SH2D4B: variants seen among roughly 807,000 people sequenced by gnomAD.
The protein encoded by SH2D4B is SH2 domain-containing protein 4B.
A neutral mutation model predicts 61.5 loss-of-function variants in SH2D4B; 45 were observed. That is an observed-to-expected ratio of 0.73 (90% CI 0.58 to 0.94). SH2D4B has a LOEUF of 0.94. Among genes scored for constraint, SH2D4B ranks in the 40% least tolerant of loss-of-function variants. SH2D4B has a pLI of 0.00. For missense variants in SH2D4B, 572 were observed against 574.2 expected (o/e 1.00, Z 0.04); for synonymous variants, 224 against 220.4 (o/e 1.02, Z -0.14).
At chr10:80,567,419 C>T (rs898701310) in intron 1 of SH2D4B, among the ~76,000 whole-genome samples, 1 of 152,202 alleles carries the variant, frequency 6.6e-6, no homozygotes, top group Non-Finnish European at 1.5e-5. Context: ...AATACACTCA[C>T]CACCTCTTAT....
At chr10:80,625,863 C>T (rs1489701511) in intron 6 of SH2D4B, among the ~76,000 whole-genome samples, 1 of 152,118 alleles carries the variant, frequency 6.6e-6, no homozygotes, top group African/African-American at 2.4e-5. Context: ...TGTGAGCCAC[C>T]ATGCCTGGCC....
chr10:80,565,242 A>G (rs774989663), intron 1 of SH2D4B, among the ~76,000 whole-genome samples: 45 of 152,200 alleles, frequency 3.0e-4, no homozygotes, highest in Admixed American at 4.6e-4. Context: ...TTCTCAGGCC[A>G]TATTTAGTTT....
At chr10:80,588,588 G>A in intron 3 of SH2D4B, 42 bp from the exon 4 acceptor site, 2 of 1,607,490 alleles carry the variant, frequency 1.2e-6, no homozygotes, top group Non-Finnish European at 1.7e-6. Flanking sequence ...TCTCTGAAGT[G>A]TTGTGGTCAT....
intron 5 of SH2D4B, among the ~76,000 whole-genome samples, chr10:80,606,156 CTGTT>C (rs1047995300): frequency 1.3e-5 from 2 of 152,216 alleles, no homozygotes; most frequent in African/African-American, 2.4e-5. Context: ...CACACCTCAT[CTGTT>C]TGTGCTAAGA....
rs1477078936 is a variant in SH2D4B, at chr10:80,538,596, T to C, written c.184+81T>C. 1.7e-6 allele frequency: 2 copies of C among 1,188,454 alleles called. No individual in the cohort carries two copies. Among genetic ancestry groups the C allele is most frequent in the African/African-American group, 3.2e-5 (2 of 63,024 alleles). 73.6% of individuals were successfully genotyped at this position (1,188,454 alleles called of 1,614,324 possible). On this transcript the variant is annotated intron_variant, in intron 1 of 7. Coordinates refer to ENST00000646907, the MANE Select transcript of SH2D4B (RefSeq NM_001388272.1). The surrounding 1 kb of genome is among the most constrained non-coding windows in gnomAD (Gnocchi z 4.8). ...AATTAGCAGGGCCAGGCTGTGCCCT[T>C]CTTCAAGATGGGCACTGGGGTGATG...
rs58385156 is a variant in SH2D4B at position 80,597,671 on chromosome 10, T to TAAATAAAATA, written c.644-5887_644-5878dup. On this transcript the variant is annotated intron_variant, in intron 4 of 7. Transcript: ENST00000646907. Reference sequence around the variant, plus strand: ...ACAGAGCGAGACTCCATCTCAAAAATAAATAAAATAAAATAAAATAAAATA... The same window carrying TAAATAAAATA: ...ACAGAGCGAGACTCCATCTCAAAAATAAATAAAATAAAATAAAATAAAATAAAATAAAATA... Among the ~76,000 whole-genome samples, 548 of 150,860 alleles carry TAAATAAAATA rather than the reference T, an allele frequency of 3.6e-3. 7 individuals carry two copies. Among genetic ancestry groups the TAAATAAAATA allele is most frequent in the African/African-American group, 0.012 (482 of 40,856 alleles).
chr10:80,627,399 A>G (rs993293697), intron 6 of SH2D4B, among the ~76,000 whole-genome samples: 5 of 152,076 alleles, frequency 3.3e-5, no homozygotes, highest in African/African-American at 1.2e-4. Flanking sequence ...ACCTCTGGCC[A>G]TTGCCCAGCT....
intron 6 of SH2D4B, among the ~76,000 whole-genome samples, chr10:80,631,325 T>C (rs1222363039): frequency 6.6e-6 from 1 of 152,228 alleles, no homozygotes; most frequent in African/African-American, 2.4e-5. Flanking sequence ...CATAGCTCAC[T>C]GCAGCCTTGA....
At chr10:80,563,202 A>C (rs1841927880) in intron 1 of SH2D4B, among the ~76,000 whole-genome samples, 1 of 152,158 alleles carries the variant, frequency 6.6e-6, no homozygotes, top group Non-Finnish European at 1.5e-5. Context: ...CGCCCGGCCG[A>C]TGCTGAACAT....
At chr10:80,622,429 G>A (rs1842725745) in intron 6 of SH2D4B, among the ~76,000 whole-genome samples, 1 of 152,152 alleles carries the variant, frequency 6.6e-6, no homozygotes, top group South Asian at 2.1e-4. Flanking sequence ...TTAAACGAGG[G>A]CCAGGAAAGT....
chr10:80,543,222 G>A (rs936138503), intron 1 of SH2D4B, among the ~76,000 whole-genome samples: 9 of 152,176 alleles, frequency 5.9e-5, no homozygotes, highest in African/African-American at 2.2e-4. Flanking sequence ...TTTCTGGGCT[G>A]GCCAAGGCCG....
intron 3 of SH2D4B, among the ~76,000 whole-genome samples, chr10:80,572,973 T>C (rs1394678106): frequency 8.5e-5 from 1 of 11,802 alleles, no homozygotes; most frequent in Non-Finnish European, 1.8e-4. Context: ...TATATATATA[T>C]ATATATATAT....
At chr10:80,553,734 T>C (rs868836368) in intron 1 of SH2D4B, among the ~76,000 whole-genome samples, 2 of 152,316 alleles carry the variant, frequency 1.3e-5, no homozygotes, top group Middle Eastern at 3.4e-3. Context: ...GTGTTGCTCA[T>C]ACACAGCAAA....
chr10:80,569,673 G>T (rs1842014212), intron 1 of SH2D4B, among the ~76,000 whole-genome samples: 1 of 151,714 alleles, frequency 6.6e-6, no homozygotes, highest in Admixed American at 6.6e-5. Flanking sequence ...CGTTACTTGT[G>T]TGTACACCCT....
rs564507684 is a variant in SH2D4B at position 80,635,042 on chromosome 10, C to T, written c.1209+537C>T. Among the ~76,000 whole-genome samples the T allele has an allele frequency of 3.9e-5, 6 of 152,298 alleles. No individual in the cohort carries two copies. The South Asian group carries it at 1.0e-3, about 26-fold the overall frequency. Reference sequence around the variant, plus strand: ...CCAGCACCTTAGTCTCACCAAACGTCAGCGTCCTAGCCAGGCAAATGGATG... The same window carrying T: ...CCAGCACCTTAGTCTCACCAAACGTTAGCGTCCTAGCCAGGCAAATGGATG... On this transcript the variant is annotated intron_variant, in intron 7 of 7. Transcript: ENST00000646907.
At chr10:80,541,622 C>A (rs957908728) in intron 1 of SH2D4B, among the ~76,000 whole-genome samples, 1 of 152,166 alleles carries the variant, frequency 6.6e-6, no homozygotes, top group Non-Finnish European at 1.5e-5. Context: ...TCGCTCCTGG[C>A]AAGCCTGGCT....
At chr10:80,611,746 A>G (rs1369318283) in intron 6 of SH2D4B, among the ~76,000 whole-genome samples, 4 of 151,640 alleles carry the variant, frequency 2.6e-5, no homozygotes, top group Admixed American at 2.0e-4. Flanking sequence ...AGGTGCGACC[A>G]AGGTGCTCAA....
intron 6 of SH2D4B, among the ~76,000 whole-genome samples, chr10:80,631,214 T>C (rs1842829254): frequency 6.6e-6 from 1 of 152,212 alleles, no homozygotes. Context: ...TTATTCACAA[T>C]AGCCAAGATA....
intron 6 of SH2D4B, among the ~76,000 whole-genome samples, chr10:80,623,164 C>A (rs1005057516): frequency 5.9e-5 from 9 of 152,178 alleles, no homozygotes; most frequent in African/African-American, 2.2e-4. Flanking sequence ...ATCCGCCTGC[C>A]TCGGCCTCCC....
Sources: allele counts gnomAD v4.1 joint callset (sites outside exome capture counted in the v4.1 genomes callset), GRCh38; gene constraint gnomAD v4.1.1; non-coding constraint Gnocchi (gnomAD v3.1); transcripts MANE v1.5; gene names NCBI Gene and HGNC (gene_info 2026-07-23, HGNC 2026-07-21).